Variants in SEC13 observed in about 807,000 individuals in gnomAD.
SEC13 encodes protein SEC13 homolog.
SEC13 carries 25 observed loss-of-function variants against 49.2 expected under a neutral mutation model. That is an observed-to-expected ratio of 0.51 (90% confidence interval 0.37 to 0.71). The LOEUF is 0.71. SEC13 is among the 30% of genes least tolerant of loss of function. The probability of loss-of-function intolerance (pLI) is 0.00; values close to 1 mark genes in which losing one functional copy is unlikely to be tolerated. For missense variants in SEC13, 383 were observed against 417.6 expected, an observed-to-expected ratio of 0.92 and a Z score of 0.72; for synonymous variants, 148 against 163.9, an observed-to-expected ratio of 0.90 and a Z score of 0.74.
chr3:10,318,380 G>C (rs1701735152), intron 1 of SEC13, among the ~76,000 whole-genome samples: 1 of 151,934 alleles, frequency 6.6e-6, no homozygotes, highest in Admixed American at 6.6e-5. Flanking sequence ...GGGCTGGGGT[G>C]GTAGACACGA....
rs1397763509 is a variant in SEC13, at chr3:10,312,108, G to A, written c.317-10C>T. On this transcript the variant is annotated splice_polypyrimidine_tract_variant and intron_variant, in intron 4 of 8. Transcript: ENST00000350697. ...CAGCACACCGAGTTCACTGCGGGAAGAGGGAGAGTGCAGTGAGCAAAGCAG... is the reference window on the plus strand; with the variant it reads ...CAGCACACCGAGTTCACTGCGGGAAAAGGGAGAGTGCAGTGAGCAAAGCAG... The A allele has an allele frequency of 6.3e-7, 1 of 1,585,786 alleles. No individual in the cohort carries two copies. Among genetic ancestry groups the A allele is most frequent in the Non-Finnish European group, 8.6e-7 (1 of 1,165,430 alleles).
chr3:10,305,549 C>A lies in SEC13; in HGVS notation c.584+10G>T, dbSNP rs747868105. 3.1e-6 allele frequency: 5 copies of A among 1,613,302 alleles called. No individual in the cohort carries two copies. The highest frequency in any genetic ancestry group is 4.2e-6 in the Non-Finnish European group (5 of 1,179,914). ...TCCCCTCAAAGAGAAGGCCACACAT[C>A]CCTACTTACTTCCACAGCTTGATGA... On this transcript the variant is annotated intron_variant, in intron 6 of 8. Coordinates refer to ENST00000350697, the MANE Select transcript of SEC13 (RefSeq NM_183352.3).
intron 1 of SEC13, among the ~76,000 whole-genome samples, chr3:10,318,902 C>A (rs1288832584): frequency 6.6e-6 from 1 of 152,246 alleles, no homozygotes; most frequent in Non-Finnish European, 1.5e-5. Flanking sequence ...TTCTTCTCCC[C>A]ACTAGAAGGT....
chr3:10,305,255 C>T (rs1700799605), intron 6 of SEC13, 99 bp from the exon 7 acceptor site: 3 of 1,457,196 alleles, frequency 2.1e-6, no homozygotes, highest in Non-Finnish European at 2.7e-6. Context: ...GAAGCGATTC[C>T]ATCTTTCTTC....
At chr3:10,307,898 C>CTT (rs1029842079) in intron 5 of SEC13, among the ~76,000 whole-genome samples, 45 of 152,158 alleles carry the variant, frequency 3.0e-4, no homozygotes, top group African/African-American at 9.7e-4. Context: ...CTCATTTCGT[C>CTT]TTAGTTCTCT....
intron 5 of SEC13, among the ~76,000 whole-genome samples, chr3:10,309,669 C>T (rs1243407188): frequency 6.6e-6 from 1 of 152,190 alleles, no homozygotes; most frequent in Non-Finnish European, 1.5e-5. Flanking sequence ...TACAGCTTGG[C>T]TCGGTTATGT....
chr3:10,303,092 A>C, intron 8 of SEC13, among the ~76,000 whole-genome samples: 1 of 152,220 alleles, frequency 6.6e-6, no homozygotes, highest in African/African-American at 2.4e-5. Flanking sequence ...AGCTGAAAAG[A>C]GTTCTGGAGA....
At chr3:10,318,206 A>C (rs535260876) in intron 1 of SEC13, 112 bp from the exon 2 acceptor site, 5 of 745,802 alleles carry the variant, frequency 6.7e-6, no homozygotes, top group Non-Finnish European at 1.2e-5. Context: ...TTCATTCAGT[A>C]AGCATTCATT....
chr3:10,315,863 G>T (rs548555769), intron 2 of SEC13, among the ~76,000 whole-genome samples: 1 of 152,356 alleles, frequency 6.6e-6, no homozygotes, highest in South Asian at 2.1e-4. Flanking sequence ...CATGGGAGCA[G>T]GCCAAAGGAG....
Position 10,305,016 on chromosome 3 carries a change from C to G in SEC13, c.708+17G>C. ...TCGAGACTAAATGACAAGGGATACT[C>G]ATGGCCCTGGGCTGACCTGGGAGCA... is the stretch of plus-strand genomic sequence containing the variant. On this transcript the variant is annotated intron_variant, in intron 7 of 8. Coordinates refer to ENST00000350697, the MANE Select transcript of SEC13 (RefSeq NM_183352.3). The G allele has an allele frequency of 3.7e-6, 6 of 1,613,982 alleles. No homozygotes were observed. The highest frequency in any genetic ancestry group is 4.2e-6 in the Non-Finnish European group (5 of 1,180,020).
At chr3:10,320,649 C>G (rs1037032594) in intron 1 of SEC13, 1 of 1,027,282 alleles carries the variant, frequency 9.7e-7, no homozygotes, top group Non-Finnish European at 1.2e-6. Flanking sequence ...CGTCTCCGAA[C>G]CTCAAGTGTC....
At chr3:10,319,022 T>A in intron 1 of SEC13, 1 of 916,918 alleles carries the variant, frequency 1.1e-6, no homozygotes, top group Non-Finnish European at 1.6e-6. Flanking sequence ...GCTGAATGAA[T>A]AAGTAAATGA....
chr3:10,315,051 CTG>C, intron 3 of SEC13: 1 of 348,450 alleles, frequency 2.9e-6, no homozygotes, highest in South Asian at 4.1e-5. Context: ...GAGAGAGAAA[CTG>C]AGTCACTTGC....
At chr3:10,302,266 C>G (rs373422218) in intron 8 of SEC13, among the ~76,000 whole-genome samples, 5 of 152,082 alleles carry the variant, frequency 3.3e-5, no homozygotes, top group Non-Finnish European at 5.9e-5. Flanking sequence ...CAAAAACAAT[C>G]TAAACCTATG....
At chr3:10,320,599 C>G (rs1309667574) in intron 1 of SEC13, 1 of 992,788 alleles carries the variant, frequency 1.0e-6, no homozygotes, top group Non-Finnish European at 1.2e-6. Flanking sequence ...GTTCAAATCT[C>G]GGCTCTACTA....
intron 2 of SEC13, 96 bp downstream of exon 2, chr3:10,317,954 A>G: frequency 1.3e-6 from 1 of 796,114 alleles, no homozygotes; most frequent in South Asian, 1.5e-5. Context: ...TCCATGAATG[A>G]TCAACAGAAA....
chr3:10,312,908 G>A, intron 3 of SEC13, 178 bp from the exon 4 acceptor site: 1 of 596,716 alleles, frequency 1.7e-6, no homozygotes, highest in South Asian at 2.2e-5. Context: ...GGAGCCTGAG[G>A]TCCTAAGAGG....
chr3:10,317,001 CAAAA>C (rs35597823), intron 2 of SEC13, among the ~76,000 whole-genome samples: 2 of 74,884 alleles, frequency 2.7e-5, no homozygotes, highest in Non-Finnish European at 3.1e-5. Flanking sequence ...AACTCCATCT[CAAAA>C]AAAAAAAAAA....
Position 10,312,713 on chromosome 3 carries a change from C to T in SEC13, c.182G>A (p.Trp61Ter). Residue 61 changes from tryptophan (W) to a stop codon, truncating the protein, a stop_gained, in exon 4 of 9, where the codon TGG becomes TAG. Transcript: ENST00000350697. LOFTEE classifies it high-confidence loss of function. ...CATGGGGTGAGCCCAGGCCACTTGC[C>T]ACACAGGACCCTCATGACTACAAAG... Reference protein sequence around the residue: ...ADLRGHEGPVWQVAWAHPMYG... With the variant: ...ADLRGHEGPV 2 of 1,614,186 alleles carry T rather than the reference C, an allele frequency of 1.2e-6. No individual in the cohort carries two copies. Among genetic ancestry groups the T allele is most frequent in the Non-Finnish European group, 8.5e-7 (1 of 1,180,034 alleles).
Sources: allele counts gnomAD v4.1 joint callset (sites outside exome capture counted in the v4.1 genomes callset), GRCh38; gene constraint gnomAD v4.1.1; transcripts MANE v1.5; gene names NCBI Gene and HGNC (gene_info 2026-07-23, HGNC 2026-07-21).